Variants in LCP2 observed in about 807,000 individuals in gnomAD.
LCP2 encodes the protein 76 kDa tyrosine phosphoprotein.
Under a neutral mutation model 74.5 loss-of-function variants are expected in LCP2, and 29 were observed. The ratio of observed to expected loss-of-function variants is 0.39; its 90% CI spans 0.29 to 0.53. The LOEUF is 0.53. Among genes scored for constraint, LCP2 ranks in the 20% least tolerant of loss-of-function variants. LCP2 has a pLI of 0.72. For synonymous variants in LCP2, 228 were observed against 229.5 expected (o/e 0.99, Z 0.06); for missense variants, 604 against 634.6 (o/e 0.95, Z 0.52).
At position 170,267,017 on chromosome 5, in the gene LCP2, G is replaced by A. The variant is rs754613427; in HGVS notation, c.680C>T (p.Thr227Met). 4.1e-5 allele frequency: 66 copies of A among 1,613,862 alleles called. No individual in the cohort carries two copies. The Admixed American group carries it at 1.0e-3, about 25-fold the overall frequency. Residue 227 changes from threonine to methionine, a missense_variant, in exon 9 of 21, where the codon ACG becomes ATG. Coordinates refer to ENST00000046794, the MANE Select transcript of LCP2 (RefSeq NM_005565.5). Reference protein sequence around the residue: ...EEPSRSRNHKTAKLPAPSIDR... With the variant: ...EEPSRSRNHKMAKLPAPSIDR... The stretch of plus-strand genomic sequence containing the variant: ...GCAGCCCTTGTACTCACGCTTTGCC[G>A]TTTTGTGGTTTCTGCTTCTGCTGGG...
intron 14 of LCP2, among the ~76,000 whole-genome samples, chr5:170,259,319 A>C (rs544055302): frequency 6.6e-6 from 1 of 152,132 alleles, no homozygotes; most frequent in Non-Finnish European, 1.5e-5. Context: ...GATGGATTCA[A>C]CCCCAAATAT....
rs377523928 is a variant in LCP2, at chr5:170,270,909, G to A, written c.333C>T (p.Asp111=). The A allele has an allele frequency of 6.4e-5, 103 of 1,611,548 alleles. No individual in the cohort carries two copies. The highest frequency in any genetic ancestry group is 8.1e-5 in the Non-Finnish European group (96 of 1,178,862). ...GGTCATCATTGGGACTTTCATAATCGTCTTCTTCCTGCCCACACAGTGATA... is the reference window on the plus strand; with the variant it reads ...GGTCATCATTGGGACTTTCATAATCATCTTCTTCCTGCCCACACAGTGATA... The part of the protein sequence containing the change: ...DNGGWSSFEE[D]DYESPNDDQD... Residue 111 remains aspartate (D), a synonymous_variant, in exon 7 of 21, where the codon GAC becomes GAT. Coordinates refer to ENST00000046794, the MANE Select transcript of LCP2 (RefSeq NM_005565.5).
At chr5:170,283,589 C>T (rs1369307347) in intron 3 of LCP2, among the ~76,000 whole-genome samples, 1 of 152,152 alleles carries the variant, frequency 6.6e-6, no homozygotes, top group African/African-American at 2.4e-5. Flanking sequence ...CTTACATGCC[C>T]TGGACAGAGA....
At chr5:170,275,709 T>C (rs961925999) in intron 4 of LCP2, 86 bp downstream of exon 4, 6 of 1,161,862 alleles carry the variant, frequency 5.2e-6, no homozygotes, top group Admixed American at 2.0e-5. Flanking sequence ...GATCAAAAAG[T>C]AGGGCAAAAA....
chr5:170,269,350 C>G (rs1180887115), intron 7 of LCP2, among the ~76,000 whole-genome samples: 1 of 152,180 alleles, frequency 6.6e-6, no homozygotes, highest in Non-Finnish European at 1.5e-5. Context: ...CGCTTTGTGC[C>G]CTGGGTGCCT....
intron 14 of LCP2, among the ~76,000 whole-genome samples, chr5:170,259,944 C>A (rs889817395): frequency 6.6e-6 from 1 of 152,222 alleles, no homozygotes; most frequent in African/African-American, 2.4e-5. Flanking sequence ...GACAGGGAAC[C>A]TGGAATGTGA....
At chr5:170,287,021 A>G (rs1385152466) in intron 3 of LCP2, among the ~76,000 whole-genome samples, 2 of 152,200 alleles carry the variant, frequency 1.3e-5, no homozygotes, top group Non-Finnish European at 2.9e-5. Context: ...CATGAAACCC[A>G]TATTTCTAGT....
At chr5:170,266,970 GGT>G in intron 9 of LCP2, 37 bp downstream of exon 9, 1 of 1,612,152 alleles carries the variant, frequency 6.2e-7, no homozygotes, top group Non-Finnish European at 8.5e-7. Flanking sequence ...GGGAGTGCCT[GGT>G]GGGAACAGGG....
Position 170,253,193 on chromosome 5 carries a change from T to C in LCP2, c.1171A>G (p.Ile391Val). 1.2e-6 allele frequency: 2 copies of C among 1,609,046 alleles called. No homozygotes were observed. Among genetic ancestry groups the C allele is most frequent in the Middle Eastern group, 1.7e-4 (1 of 6,058 alleles). ...GGGAAGTTTCTGCCTTCGGCTCTGA[T>C]AGGTGGTCTGTTGCTAGGGCCTTCA... Reference protein sequence around the residue: ...FSQGPSNRPPIRAEGRNFPLP... With the variant: ...FSQGPSNRPPVRAEGRNFPLP... The change falls in exon 18 of 21, where the codon ATC becomes GTC. Residue 391 changes from isoleucine (I) to valine (V), a missense_variant. Ile to Val is a conservative substitution (Grantham distance 29). Transcript: ENST00000046794.
At chr5:170,262,592 C>T (rs367616053) in intron 13 of LCP2, 43 bp downstream of exon 13, 36 of 1,456,744 alleles carry the variant, frequency 2.5e-5, no homozygotes, top group Admixed American at 7.4e-5. Context: ...GCCTGTCTGC[C>T]GGCCACTGTG....
chr5:170,248,856 G>C, intron 20 of LCP2, 37 bp from the exon 21 acceptor site: 1 of 1,604,282 alleles, frequency 6.2e-7, no homozygotes, highest in Non-Finnish European at 8.5e-7. Flanking sequence ...GTCAACATTG[G>C]AATGAAAAGC....
At position 170,262,722 on chromosome 5, in the gene LCP2, G is replaced by C; in HGVS notation, c.839C>G (p.Pro280Arg). The change falls in exon 13 of 21, where the codon CCC becomes CGC. Residue 280 changes from proline (P) to arginine (R), a missense_variant. Coordinates refer to ENST00000046794, the MANE Select transcript of LCP2 (RefSeq NM_005565.5). ...PAGRSLGEHL[P>R]KIQKPPLPPT... ...TGGTAAAGGAGGCTTTTGAATCTTG[G>C]GTAAATGCTCCCCGAGTGACCTGTG... The C allele has an allele frequency of 6.2e-7, 1 of 1,613,954 alleles. No homozygotes were observed.
intron 3 of LCP2, among the ~76,000 whole-genome samples, chr5:170,278,026 T>A (rs1168761701): frequency 6.6e-6 from 1 of 151,226 alleles, no homozygotes; most frequent in East Asian, 2.0e-4. Flanking sequence ...TTCCCTTAAG[T>A]GGTTGTTTCA....
In LCP2 at chr5:170,273,412, G is replaced by GT. The variant is rs571271591; in HGVS notation, c.324+888dup. ...ATAAACTTAGCTAAATCTTTTTTTT[G>GT]TTTTTTTTCCAATTAAATACTTTCT... On this transcript the variant is annotated intron_variant, in intron 6 of 20. Coordinates refer to ENST00000046794, the MANE Select transcript of LCP2 (RefSeq NM_005565.5). Among the ~76,000 whole-genome samples the GT allele has an allele frequency of 3.7e-4, 56 of 151,686 alleles. No homozygotes were observed. In the South Asian group the frequency reaches 0.01, roughly 27 times the overall value.
chr5:170,275,629 C>T, intron 4 of LCP2, 166 bp downstream of exon 4: 1 of 675,240 alleles, frequency 1.5e-6, no homozygotes, highest in Non-Finnish European at 2.6e-6. Flanking sequence ...GGATGCAGAG[C>T]AGGGGAGGGA....
Position 170,268,366 on chromosome 5 carries a change from A to G in LCP2, c.621+19T>C. On this transcript the variant is annotated intron_variant, in intron 8 of 20. Coordinates refer to ENST00000046794, the MANE Select transcript of LCP2 (RefSeq NM_005565.5). ...TGCAGTGGACACCAAGTACTGTAAA[A>G]GAACGGGAGGAGGCCTACCGAGTGA... 1.9e-6 allele frequency: 1 copy of G among 527,038 alleles called. No homozygotes were observed. 32.6% of individuals were successfully genotyped at this position (527,038 alleles called of 1,614,324 possible).
intron 3 of LCP2, among the ~76,000 whole-genome samples, chr5:170,280,254 C>T (rs572294194): frequency 1.4e-4 from 21 of 152,024 alleles, no homozygotes; most frequent in Non-Finnish European, 2.6e-4. Flanking sequence ...ACAAGGCTCC[C>T]GGCTCCTGGG....
At chr5:170,275,226 A>G in intron 5 of LCP2, 94 bp downstream of exon 5, 1 of 1,360,762 alleles carries the variant, frequency 7.3e-7, no homozygotes, top group Non-Finnish European at 1.0e-6. Context: ...GGTCACCTGA[A>G]TGAACTCAAG....
chr5:170,253,466 A>G (rs542801306), intron 17 of LCP2, among the ~76,000 whole-genome samples: 1 of 152,352 alleles, frequency 6.6e-6, no homozygotes, highest in Admixed American at 6.5e-5. Context: ...TGATTTTTCT[A>G]AATGTGCATG....
Sources: allele counts gnomAD v4.1 joint callset (sites outside exome capture counted in the v4.1 genomes callset), GRCh38; gene constraint gnomAD v4.1.1; transcripts MANE v1.5; gene names NCBI Gene and HGNC (gene_info 2026-07-23, HGNC 2026-07-21).